HELQ: variants seen among roughly 807,000 people sequenced by gnomAD.
HELQ encodes the protein helicase, POLQ like, also known as helicase POLQ-like.
A neutral mutation model predicts 111.6 loss-of-function variants in HELQ; 77 were observed. That is an observed-to-expected ratio of 0.69 (90% CI 0.57 to 0.83). HELQ has a LOEUF of 0.83. Among genes scored for constraint, HELQ ranks in the 40% least tolerant of loss-of-function variants. The pLI, the probability that HELQ is intolerant of heterozygous loss-of-function variation, is 0.00. For missense variants in HELQ, 1,200 were observed against 1,288.5 expected (o/e 0.93, Z 1.05); for synonymous variants, 438 against 454.7 (o/e 0.96, Z 0.47).
intron 17 of HELQ, among the ~76,000 whole-genome samples, chr4:83,414,344 T>A (rs1434142451): frequency 2.0e-5 from 3 of 152,150 alleles, no homozygotes; most frequent in Non-Finnish European, 4.4e-5. Flanking sequence ...GGCAATGAAG[T>A]CCGGATCCCA....
At chr4:83,445,893 A>G in intron 5 of HELQ, 121 bp downstream of exon 5, 2 of 634,888 alleles carry the variant, frequency 3.2e-6, no homozygotes, top group Admixed American at 5.9e-5. Context: ...ATTTTAAAAC[A>G]AAGGCAAAAA....
At chr4:83,414,501 C>A (rs1739264446) in intron 17 of HELQ, among the ~76,000 whole-genome samples, 1 of 152,110 alleles carries the variant, frequency 6.6e-6, no homozygotes, top group Non-Finnish European at 1.5e-5. Context: ...ACAGACACAG[C>A]CAGAAAGTAA....
At chr4:83,444,732 C>A (rs1720960594) in intron 5 of HELQ, among the ~76,000 whole-genome samples, 1 of 152,112 alleles carries the variant, frequency 6.6e-6, no homozygotes, top group African/African-American at 2.4e-5. Flanking sequence ...TGGGAGTATC[C>A]TTCTCATTCC....
intron 15 of HELQ, among the ~76,000 whole-genome samples, chr4:83,420,485 A>C (rs1264523071): frequency 6.6e-6 from 1 of 151,930 alleles, no homozygotes; most frequent in Admixed American, 6.6e-5. Flanking sequence ...CCTTTGCACA[A>C]AAAAAATTTA....
Position 83,429,570 on chromosome 4 carries a change from G to T in HELQ, c.2472C>A (p.Val824=). 2 of 1,611,880 alleles carry T rather than the reference G, an allele frequency of 1.2e-6. No homozygotes were observed. Among genetic ancestry groups the T allele is most frequent in the South Asian group, 1.1e-5 (1 of 90,908 alleles). ...ACTTTGTAATATGAAAATTATATTG[G>T]ACCTCTTCTTCAGACTTATAAATAG... ...KDTIYKSEEE[V]QYNFHITKLG... The change falls in exon 12 of 18, where the codon GTC becomes GTA. Residue 824 remains valine, a synonymous_variant. Transcript: ENST00000295488.
At chr4:83,450,085 T>A (rs1186007463) in intron 2 of HELQ, among the ~76,000 whole-genome samples, 1 of 151,528 alleles carries the variant, frequency 6.6e-6, no homozygotes, top group Non-Finnish European at 1.5e-5. Context: ...AAACACAGCA[T>A]TGTTTGTAGG....
Position 83,418,206 on chromosome 4 carries a change from C to G in HELQ, c.2950G>C (p.Glu984Gln). ...FSSCVLHFCE[E>Q]LEEFWVYRAL... ...CTGTAAACCCAAAACTCCTCAAGCT[C>G]CTGTAGAACACAAAGAAATATATAA... The change falls in exon 16 of 18, where the codon GAG (glutamate) becomes CAG (glutamine). Residue 984 changes from glutamate (E) to glutamine (Q), a missense_variant and splice_region_variant. Transcript: ENST00000295488. 6.6e-7 allele frequency: 1 copy of G among 1,523,956 alleles called. No individual in the cohort carries two copies. The highest frequency in any genetic ancestry group is 1.9e-5 in the Admixed American group (1 of 53,508). 94.4% of individuals were successfully genotyped at this position (1,523,956 alleles called of 1,614,324 possible).
At position 83,407,494 on chromosome 4, in the gene HELQ, C is replaced by T; in HGVS notation, c.3265G>A (p.Asp1089Asn). The change falls in exon 18 of 18, where the codon GAT (aspartate) becomes AAT (asparagine). Residue 1089 changes from aspartate to asparagine, a missense_variant. Physicochemically the swap from Asp to Asn is conservative, Grantham distance 23 (BLOSUM62 1). This residue lies in a region of HELQ where 585 missense variants were observed against 665.3 expected (regional missense o/e 0.88). Coordinates refer to ENST00000295488, the MANE Select transcript of HELQ (RefSeq NM_133636.5). ...GAAGAAGCCACAGCACCAGGGAAAT[C>T]AGAAGGCAATCTTAGTAACTCTTCT... ...EVEELLRLPS[D>N]FPGAVASSTD... is the part of the protein sequence containing the mutation. The T allele has an allele frequency of 6.2e-7, 1 of 1,610,544 alleles. No individual in the cohort carries two copies. The highest frequency in any genetic ancestry group is 8.5e-7 in the Non-Finnish European group (1 of 1,178,876).
chr4:83,431,324 A>G (rs2109987422), intron 11 of HELQ, among the ~76,000 whole-genome samples: 1 of 151,974 alleles, frequency 6.6e-6, no homozygotes, highest in African/African-American at 2.4e-5. Flanking sequence ...ATTAGGATTC[A>G]GTGATCTTTT....
At chr4:83,455,315 C>G in intron 1 of HELQ, 82 bp downstream of exon 1, 1 of 1,552,576 alleles carries the variant, frequency 6.4e-7, no homozygotes, top group Non-Finnish European at 8.7e-7. Context: ...GAGAAGTAAA[C>G]GAAGGCGATA....
At chr4:83,447,973 G>A (rs796720960) in intron 3 of HELQ, among the ~76,000 whole-genome samples, 6 of 152,184 alleles carry the variant, frequency 3.9e-5, no homozygotes, top group African/African-American at 1.4e-4. Context: ...ACTTTGGGGG[G>A]CCGAGGTGGG....
chr4:83,450,129 G>A (rs1292741307), intron 2 of HELQ, among the ~76,000 whole-genome samples: 2 of 143,330 alleles, frequency 1.4e-5, no homozygotes, highest in Non-Finnish European at 3.0e-5. Context: ...GGTAAAGGCC[G>A]AATGAATTAT....
intron 7 of HELQ, among the ~76,000 whole-genome samples, chr4:83,440,453 C>G (rs1035171111): frequency 6.6e-6 from 1 of 152,096 alleles, no homozygotes; most frequent in Non-Finnish European, 1.5e-5. Flanking sequence ...TTCAATCATA[C>G]TACTGAATTA....
chr4:83,443,967 C>G (rs1403249097), intron 5 of HELQ, among the ~76,000 whole-genome samples: 2 of 152,036 alleles, frequency 1.3e-5, no homozygotes, highest in East Asian at 3.9e-4. Flanking sequence ...ATCGCTTGAG[C>G]CCAGGAAGTC....
intron 17 of HELQ, among the ~76,000 whole-genome samples, chr4:83,408,761 G>A (rs1275902870): frequency 6.6e-6 from 1 of 151,230 alleles, no homozygotes; most frequent in Non-Finnish European, 1.5e-5. Context: ...AGATCCAGAT[G>A]GGGTTGAGAA....
At chr4:83,427,821 C>G in intron 12 of HELQ, 101 bp from the exon 13 acceptor site, 1 of 735,842 alleles carries the variant, frequency 1.4e-6, no homozygotes, top group South Asian at 2.7e-5. Flanking sequence ...AGCAAAAAGT[C>G]TTCAAAATCT....
At chr4:83,413,643 C>T (rs974151223) in intron 17 of HELQ, among the ~76,000 whole-genome samples, 4 of 152,196 alleles carry the variant, frequency 2.6e-5, no homozygotes, top group Non-Finnish European at 5.9e-5. Context: ...TAGTAACCAA[C>T]AGTATGCAGC....
chr4:83,422,654 T>G (rs1293082510), intron 14 of HELQ, among the ~76,000 whole-genome samples: 1 of 152,148 alleles, frequency 6.6e-6, no homozygotes, highest in Non-Finnish European at 1.5e-5. Flanking sequence ...GGAATCAACA[T>G]TGCTAATACC....
intron 2 of HELQ, 83 bp from the exon 3 acceptor site, chr4:83,449,044 C>T (rs1721209583): frequency 2.0e-6 from 2 of 985,284 alleles, no homozygotes; most frequent in Non-Finnish European, 3.0e-6. Context: ...AAAATCAAAT[C>T]CCTTCCTGTG....
Sources: gnomAD v4.1 joint callset for allele counts (sites outside exome capture counted in the v4.1 genomes callset) on GRCh38, gnomAD v4.1.1 for gene constraint, gnomAD v4.1.1 regional missense constraint, MANE v1.5 for transcripts, NCBI Gene and HGNC (gene_info 2026-07-23, HGNC 2026-07-21) for gene names.